Variants in SH2D4B observed in about 807,000 individuals in gnomAD.
SH2D4B encodes the protein SH2 domain-containing protein 4B.
SH2D4B carries 45 observed loss-of-function variants against 61.5 expected under a neutral mutation model. The ratio of observed to expected loss-of-function variants is 0.73; its 90% CI spans 0.58 to 0.94. SH2D4B has a LOEUF of 0.94. SH2D4B is among the 40% of genes least tolerant of loss of function. The pLI, the probability that SH2D4B is intolerant of heterozygous loss-of-function variation, is 0.00. For missense variants in SH2D4B, 572 were observed against 574.2 expected (o/e 1.00, Z 0.04); for synonymous variants, 224 against 220.4 (o/e 1.02, Z -0.14).
At chr10:80,604,821 T>G (rs1190660735) in intron 5 of SH2D4B, among the ~76,000 whole-genome samples, 2 of 150,722 alleles carry the variant, frequency 1.3e-5, no homozygotes, top group African/African-American at 4.9e-5. Flanking sequence ...TGAGACAGAG[T>G]CTTGCTCTAT....
intron 5 of SH2D4B, among the ~76,000 whole-genome samples, chr10:80,604,652 C>G (rs963931769): frequency 2.0e-5 from 3 of 151,832 alleles, no homozygotes; most frequent in African/African-American, 7.3e-5. Context: ...CCCCTCCCCC[C>G]TTCCCACCCT....
intron 6 of SH2D4B, among the ~76,000 whole-genome samples, chr10:80,618,976 T>C (rs1227484764): frequency 6.6e-6 from 1 of 152,242 alleles, no homozygotes; most frequent in African/African-American, 2.4e-5. Context: ...GAAAGTATAC[T>C]TACAATGCCT....
intron 3 of SH2D4B, among the ~76,000 whole-genome samples, chr10:80,587,323 C>T (rs1176103376): frequency 1.3e-5 from 2 of 151,834 alleles, no homozygotes; most frequent in African/African-American, 2.4e-5. Context: ...TCTTGTTGCC[C>T]AGGGTGGAGT....
rs190003246 is a variant in SH2D4B at position 80,575,979 on chromosome 10, C to G, written c.495+4401C>G. Among the ~76,000 whole-genome samples the G allele has an allele frequency of 6.0e-4, 92 of 152,324 alleles. 1 individual carries two copies. Among genetic ancestry groups the G allele is most frequent in the Admixed American group, 2.8e-3 (43 of 15,306 alleles). On this transcript the variant is annotated intron_variant, in intron 3 of 7. Coordinates refer to ENST00000646907, the MANE Select transcript of SH2D4B (RefSeq NM_001388272.1). ...AGTCTGTTCGGGAAGAAAACCAATTCTTTTTATCTCTCTCCTAACCGTGAA... is the reference window on the plus strand; with the variant it reads ...AGTCTGTTCGGGAAGAAAACCAATTGTTTTTATCTCTCTCCTAACCGTGAA...
At chr10:80,583,315 A>G (rs1163627144) in intron 3 of SH2D4B, among the ~76,000 whole-genome samples, 2 of 152,092 alleles carry the variant, frequency 1.3e-5, no homozygotes. Flanking sequence ...GAAATAAAAA[A>G]CTCAGTAGAA....
rs11186303 is a variant in SH2D4B at position 80,618,774 on chromosome 10, C to T, written c.988+9223C>T. Among the ~76,000 whole-genome samples, 897 of 151,920 alleles carry T rather than the reference C, an allele frequency of 5.9e-3. 8 individuals are homozygous for T. Among genetic ancestry groups the T allele is most frequent in the African/African-American group, 0.02 (832 of 41,424 alleles). On this transcript the variant is annotated intron_variant, in intron 6 of 7. Coordinates refer to ENST00000646907, the MANE Select transcript of SH2D4B (RefSeq NM_001388272.1). Reference sequence around the variant, plus strand: ...TGAAACGTCGTGGCTGGCCTGCCTGCGTTTCTTTCTTTTGAGGGTGAAGTC... The same window carrying T: ...TGAAACGTCGTGGCTGGCCTGCCTGTGTTTCTTTCTTTTGAGGGTGAAGTC...
intron 5 of SH2D4B, among the ~76,000 whole-genome samples, chr10:80,608,480 G>A (rs755897020): frequency 2.0e-5 from 3 of 152,198 alleles, no homozygotes; most frequent in African/African-American, 7.2e-5. Context: ...CACAGTTGTG[G>A]GTGCCTGTCA....
At chr10:80,603,383 T>C (rs778686200) in intron 4 of SH2D4B, among the ~76,000 whole-genome samples, 196 bp from the exon 5 acceptor site, 2 of 152,172 alleles carry the variant, frequency 1.3e-5, no homozygotes, top group Non-Finnish European at 2.9e-5. Context: ...TGCTCTGTCA[T>C]TCTGGGTTCT....
intron 6 of SH2D4B, 102 bp from the exon 7 acceptor site, chr10:80,634,177 GGCATGT>G: frequency 7.2e-7 from 1 of 1,392,514 alleles, no homozygotes; most frequent in East Asian, 2.5e-5. Context: ...CTGTGTGGAT[GGCATGT>G]GCACTGAGCC....
At chr10:80,641,095 C>T (rs1840296654) in intron 7 of SH2D4B, among the ~76,000 whole-genome samples, 1 of 152,244 alleles carries the variant, frequency 6.6e-6, no homozygotes, top group African/African-American at 2.4e-5. Context: ...ACTCCAGACC[C>T]TCTTTGCCTG....
chr10:80,605,307 A>G (rs112801425), intron 5 of SH2D4B, among the ~76,000 whole-genome samples: 1 of 151,384 alleles, frequency 6.6e-6, no homozygotes, highest in African/African-American at 2.4e-5. Context: ...ACAGGTGCAT[A>G]GTATTCTATA....
chr10:80,631,359 T>C (rs910681784), intron 6 of SH2D4B, among the ~76,000 whole-genome samples: 1 of 152,182 alleles, frequency 6.6e-6, no homozygotes, highest in African/African-American at 2.4e-5. Flanking sequence ...TGTGATTCTC[T>C]CACCTCAGCC....
intron 6 of SH2D4B, among the ~76,000 whole-genome samples, chr10:80,622,642 G>A (rs371684235): frequency 2.0e-5 from 3 of 152,226 alleles, no homozygotes; most frequent in South Asian, 4.2e-4. Context: ...CTCATGGTGG[G>A]CTCCTTGCAC....
intron 4 of SH2D4B, 54 bp downstream of exon 4, chr10:80,588,831 C>A: frequency 6.2e-7 from 1 of 1,603,898 alleles, no homozygotes; most frequent in Non-Finnish European, 8.5e-7. Flanking sequence ...CCCCACCCAC[C>A]TCCTCCCAAT....
chr10:80,560,327 C>T (rs962890973), intron 1 of SH2D4B, among the ~76,000 whole-genome samples: 3 of 151,422 alleles, frequency 2.0e-5, no homozygotes, highest in Non-Finnish European at 2.9e-5. Flanking sequence ...TAAGGCTATT[C>T]ATCATTTTTC....
In SH2D4B at chr10:80,612,198, T is replaced by TTTTTTTTTTTTTTTTTTTTTTC. The variant is rs59848195; in HGVS notation, c.988+2647_988+2648insTTTTTTTTTTTTTTTTTTTTTC. ...CCACTCCTGCTTTTTTTTTTTTTTTTCAACTTTACTCACTTATAAAATCCC... is the reference window on the plus strand; with the variant it reads ...CCACTCCTGCTTTTTTTTTTTTTTTTTTTTTTTTTTTTTTTTTTTTTCCAACTTTACTCACTTATAAAATCCC... On this transcript the variant is annotated intron_variant, in intron 6 of 7. Coordinates refer to ENST00000646907, the MANE Select transcript of SH2D4B (RefSeq NM_001388272.1). Among the ~76,000 whole-genome samples, 10 of 125,228 alleles carry TTTTTTTTTTTTTTTTTTTTTTC rather than the reference T, an allele frequency of 8.0e-5. 2 individuals carry two copies. The highest frequency in any genetic ancestry group is 9.6e-5 in the African/African-American group (3 of 31,176). The allele number at this position is 125,228 out of a possible 152,430, so 82.2% of individuals were successfully genotyped here.
At chr10:80,641,222 G>A (rs1437692405) in intron 7 of SH2D4B, among the ~76,000 whole-genome samples, 2 of 152,220 alleles carry the variant, frequency 1.3e-5, no homozygotes, top group Non-Finnish European at 2.9e-5. Flanking sequence ...CTACTGGGAG[G>A]TGTCTTCCAG....
intron 1 of SH2D4B, among the ~76,000 whole-genome samples, chr10:80,565,187 G>T (rs1046488333): frequency 1.3e-5 from 2 of 152,230 alleles, no homozygotes; most frequent in East Asian, 3.9e-4. Context: ...ATTAAGTTAG[G>T]TTATGGTTCG....
At chr10:80,573,151 A>AT (rs1259414880) in intron 3 of SH2D4B, among the ~76,000 whole-genome samples, 95 of 140,940 alleles carry the variant, frequency 6.7e-4, no homozygotes, top group African/African-American at 1.7e-3. Flanking sequence ...CGCCCGGCTA[A>AT]TTTTTTTTTT....
Sources: allele counts gnomAD v4.1 joint callset (sites outside exome capture counted in the v4.1 genomes callset), GRCh38; gene constraint gnomAD v4.1.1; transcripts MANE v1.5; gene names NCBI Gene and HGNC (gene_info 2026-07-23, HGNC 2026-07-21).